CNEP1R1: variants seen among roughly 807,000 people sequenced by gnomAD.
CNEP1R1 encodes nuclear envelope phosphatase-regulatory subunit 1.
A neutral mutation model predicts 22.7 loss-of-function variants in CNEP1R1; 10 were observed. The ratio of observed to expected loss-of-function variants is 0.44; its 90% CI spans 0.27 to 0.75. CNEP1R1 has a LOEUF of 0.75. Among genes scored for constraint, CNEP1R1 ranks in the 30% least tolerant of loss-of-function variants. The pLI is 0.17. For missense variants in CNEP1R1, 73 were observed against 151.5 expected (o/e 0.48, Z 2.72); for synonymous variants, 53 against 50.1 (o/e 1.06, Z -0.25).
intron 3 of CNEP1R1, among the ~76,000 whole-genome samples, chr16:50,031,288 C>A (rs2036229282): frequency 6.6e-6 from 1 of 152,138 alleles, no homozygotes; most frequent in Non-Finnish European, 1.5e-5. Flanking sequence ...CATATAGTCT[C>A]CCTAACTTTA....
rs1260249690 is a variant in CNEP1R1, at chr16:50,036,738, T to C, written c.*1280T>C. ...TATAATAGCCCTTAAAATTAAACTATTGGGATTGCTGTAAATATTTTAAAG... is the reference window on the plus strand; with the variant it reads ...TATAATAGCCCTTAAAATTAAACTACTGGGATTGCTGTAAATATTTTAAAG... On this transcript the variant is annotated 3_prime_UTR_variant, in exon 6 of 6. Transcript: ENST00000427478. The C allele has an allele frequency of 2.0e-5, 3 of 152,676 alleles. No individual in the cohort carries two copies. Among genetic ancestry groups the C allele is most frequent in the Non-Finnish European group, 2.9e-5 (2 of 68,052 alleles). 9.5% of individuals were successfully genotyped at this position (152,676 alleles called of 1,614,324 possible).
intron 5 of CNEP1R1, among the ~76,000 whole-genome samples, chr16:50,035,138 G>T (rs1056271008): frequency 6.6e-6 from 1 of 152,128 alleles, no homozygotes; most frequent in African/African-American, 2.4e-5. Flanking sequence ...GATTGCTTGA[G>T]TCCAGGAGTT....
chr16:50,027,399 T>C (rs971866189), intron 2 of CNEP1R1, among the ~76,000 whole-genome samples: 15 of 151,558 alleles, frequency 9.9e-5, no homozygotes, highest in Non-Finnish European at 1.8e-4. Context: ...TCCCAGCTAC[T>C]CTGGAGGCTG....
intron 2 of CNEP1R1, chr16:50,026,776 A>G (rs1057056210): frequency 3.7e-5 from 10 of 270,084 alleles, no homozygotes; most frequent in African/African-American, 2.2e-4. Context: ...GAAGTTCAAG[A>G]CTAGCGTGGC....
chr16:50,029,428 C>G (rs1445985408), intron 2 of CNEP1R1, among the ~76,000 whole-genome samples: 1 of 152,202 alleles, frequency 6.6e-6, no homozygotes, highest in Non-Finnish European at 1.5e-5. Flanking sequence ...GTGAACGTTA[C>G]ATAGCGTAGA....
chr16:50,031,036 G>A (rs1050227826), intron 3 of CNEP1R1, among the ~76,000 whole-genome samples: 8 of 152,106 alleles, frequency 5.3e-5, no homozygotes, highest in South Asian at 4.1e-4. Flanking sequence ...TTTTTTATTA[G>A]AGAAGTAGTT....
intron 3 of CNEP1R1, among the ~76,000 whole-genome samples, chr16:50,032,521 T>G (rs1183956685): frequency 6.6e-6 from 1 of 152,176 alleles, no homozygotes; most frequent in Non-Finnish European, 1.5e-5. Context: ...CAAATTTGTT[T>G]TTTGCCTCTG....
chr16:50,026,660 G>T, intron 2 of CNEP1R1, 193 bp downstream of exon 2: 1 of 560,610 alleles, frequency 1.8e-6, no homozygotes, highest in Non-Finnish European at 3.2e-6. Context: ...TCGTGTGGTT[G>T]TTTTTGTTTT....
At chr16:50,025,579 TTTC>T in intron 1 of CNEP1R1, 1 of 1,450,254 alleles carries the variant, frequency 6.9e-7, no homozygotes, top group South Asian at 1.2e-5. Flanking sequence ...CTATTTTTAT[TTTC>T]TTTTCACTGG....
At chr16:50,030,819 G>GA (rs879419812) in intron 3 of CNEP1R1, among the ~76,000 whole-genome samples, 13 of 151,990 alleles carry the variant, frequency 8.6e-5, no homozygotes, top group Non-Finnish European at 1.8e-4. Flanking sequence ...ATTTATCTCT[G>GA]AAAAAAAATT....
At chr16:50,032,082 T>A (rs898418363) in intron 3 of CNEP1R1, among the ~76,000 whole-genome samples, 4 of 152,222 alleles carry the variant, frequency 2.6e-5, no homozygotes, top group Non-Finnish European at 4.4e-5. Flanking sequence ...TTTCTTCATC[T>A]GACAAACTTC....
chr16:50,033,945 G>A (rs1283277922), intron 4 of CNEP1R1, among the ~76,000 whole-genome samples, 157 bp from the exon 5 acceptor site: 3 of 148,542 alleles, frequency 2.0e-5, no homozygotes, highest in African/African-American at 7.4e-5. Context: ...GTGCAGTGGC[G>A]CGATCTCGGA....
At chr16:50,032,857 T>C (rs2036242779) in intron 3 of CNEP1R1, among the ~76,000 whole-genome samples, 1 of 151,954 alleles carries the variant, frequency 6.6e-6, no homozygotes, top group African/African-American at 2.4e-5. Flanking sequence ...GTACAAAAAT[T>C]AGCCGGGTGT....
At chr16:50,030,213 T>C (rs916556731) in intron 3 of CNEP1R1, among the ~76,000 whole-genome samples, 3 of 152,150 alleles carry the variant, frequency 2.0e-5, no homozygotes, top group Non-Finnish European at 4.4e-5. Flanking sequence ...CCCAACACTT[T>C]GGGAGGCCAA....
At chr16:50,031,932 C>A (rs1196095899) in intron 3 of CNEP1R1, among the ~76,000 whole-genome samples, 1 of 152,186 alleles carries the variant, frequency 6.6e-6, no homozygotes, top group Admixed American at 6.5e-5. Context: ...TATATGCTAA[C>A]CTGGTGCAGG....
Position 50,035,371 on chromosome 16 carries a change from T to C in CNEP1R1, c.337-46T>C, listed in dbSNP as rs1308685081. On this transcript the variant is annotated intron_variant, in intron 5 of 5. Transcript: ENST00000427478. ...GTTTATAAATAAGCAGTGGTATTTT[T>C]ACTAGAACTGTGTATTGAAAAAATT... 3.6e-6 allele frequency: 4 copies of C among 1,114,566 alleles called. No homozygotes were observed. The Admixed American group carries it at 8.0e-5, about 22-fold the overall frequency. The allele number at this position is 1,114,566 out of a possible 1,614,324, so 69.0% of individuals were successfully genotyped here.
At position 50,025,254 on chromosome 16, in the gene CNEP1R1, C is replaced by A. The variant is rs1015400295; in HGVS notation, c.-62C>A. The stretch of plus-strand genomic sequence containing the variant: ...GTGGGAGTTGGCGCTGCGGGCCGGG[C>A]GGGGGCCGCGGAAGCTGCGATGCGG... On this transcript the variant is annotated 5_prime_UTR_variant, in exon 1 of 6. Coordinates refer to ENST00000427478, the MANE Select transcript of CNEP1R1 (RefSeq NM_001281789.2). 21 of 1,378,220 alleles carry A rather than the reference C, an allele frequency of 1.5e-5. No individual in the cohort carries two copies. The highest frequency in any genetic ancestry group is 2.0e-5 in the Non-Finnish European group (21 of 1,069,936). 85.4% of individuals were successfully genotyped at this position (1,378,220 alleles called of 1,614,324 possible). A position where few individuals can be genotyped will look rare whatever the true frequency, so the allele number is the denominator to read the frequency against.
At chr16:50,025,560 C>T (rs1049029203) in intron 1 of CNEP1R1, 34 of 1,326,330 alleles carry the variant, frequency 2.6e-5, no homozygotes, top group Non-Finnish European at 1.7e-5. Context: ...TCGACCTCCT[C>T]GCCAGCTTCT....
intron 5 of CNEP1R1, among the ~76,000 whole-genome samples, chr16:50,035,025 C>T (rs12709075): frequency 0.9 from 136,721 of 152,216 alleles, 61,491 homozygotes; most frequent in East Asian, 1. Flanking sequence ...TTTAAAAAGT[C>T]ATTAAACAAG....
Sources: gnomAD v4.1 joint callset for allele counts (sites outside exome capture counted in the v4.1 genomes callset) on GRCh38, gnomAD v4.1.1 for gene constraint, MANE v1.5 for transcripts, NCBI Gene and HGNC (gene_info 2026-07-23, HGNC 2026-07-21) for gene names.